The following DLGAP1 variants were observed in gnomAD, a reference collection of about 807,000 sequenced individuals.
DLGAP1 encodes DLG associated protein 1, also known as disks large-associated protein 1.
DLGAP1 carries 11 observed loss-of-function variants against 90.8 expected under a neutral mutation model. The observed-to-expected ratio is 0.12, with a 90% CI of 0.08 to 0.20. DLGAP1 has a LOEUF of 0.20. Among genes scored for constraint, DLGAP1 ranks in the 10% least tolerant of loss-of-function variants. The pLI is 1.00. For missense variants in DLGAP1, 1,050 were observed against 1,333.8 expected (o/e 0.79, Z 3.31); for synonymous variants, 558 against 540.7 (o/e 1.03, Z -0.44).
chr18:3,823,105 A>G (rs1390208972), intron 4 of DLGAP1, among the ~76,000 whole-genome samples: 1 of 152,214 alleles, frequency 6.6e-6, no homozygotes, highest in Non-Finnish European at 1.5e-5. Flanking sequence ...TCTTGTAGCC[A>G]AGCCTCCTGA....
intron 7 of DLGAP1, among the ~76,000 whole-genome samples, chr18:3,612,042 G>A (rs995583411): frequency 6.6e-6 from 1 of 152,162 alleles, no homozygotes; most frequent in African/African-American, 2.4e-5. Flanking sequence ...AATTCCCTTT[G>A]CTTTTCATGC....
rs140088276 is a variant in DLGAP1 at position 3,758,199 on chromosome 18, G to A, written c.1173-15687C>T. On this transcript the variant is annotated intron_variant, in intron 5 of 12. Transcript: ENST00000315677. ...ATCATTATTGGAGTTTCTAGCCAGT[G>A]CAAACAATTAAGAAACAGGAACAAA... 1.9e-3 allele frequency among the ~76,000 whole-genome samples: 285 copies of A among 151,736 alleles called. 1 individual carries two copies. The highest frequency in any genetic ancestry group is 6.3e-3 in the African/African-American group (260 of 41,342).
chr18:4,247,186 A>G (rs2078669623), intron 1 of DLGAP1, among the ~76,000 whole-genome samples: 2 of 152,232 alleles, frequency 1.3e-5, no homozygotes, highest in Non-Finnish European at 2.9e-5. Context: ...AATATTTATT[A>G]TAAATCATTA....
chr18:4,074,876 G>C (rs575764724), intron 2 of DLGAP1, among the ~76,000 whole-genome samples: 1 of 152,266 alleles, frequency 6.6e-6, no homozygotes, highest in East Asian at 1.9e-4. Flanking sequence ...TCAGCACTCA[G>C]AAAGTGTTTA....
chr18:3,771,047 A>G (rs983534705), intron 5 of DLGAP1: 1 of 152,214 alleles, frequency 6.6e-6, no homozygotes, highest in African/African-American at 2.4e-5. Context: ...TCACTACCAC[A>G]TGAAAAGGGA....
intron 1 of DLGAP1, among the ~76,000 whole-genome samples, chr18:4,310,605 C>T (rs936141140): frequency 1.3e-5 from 2 of 152,168 alleles, no homozygotes; most frequent in Non-Finnish European, 2.9e-5. Flanking sequence ...TACAGGTTTA[C>T]ATACATTTTC....
rs200178260 is a variant in DLGAP1 at position 3,879,219 on chromosome 18, T to G, written c.850A>C (p.Thr284Pro). ...TAAACCTCCCGGGCCCGGCTCACGG[T>G]GAGCGTGGAGGACCAGGCGCTCTTC... ...LKKSAWSSTL[T>P]VSRAREVYQK... The change falls in exon 4 of 13, where the codon ACC (threonine) becomes CCC (proline). Residue 284 changes from threonine (T) to proline (P), a missense_variant. Thr to Pro is a conservative substitution (Grantham distance 38). Coordinates refer to ENST00000315677, the MANE Select transcript of DLGAP1 (RefSeq NM_004746.4). This position sits in a 1 kb window ranked among gnomAD's most constrained non-coding sequence, Gnocchi z 6.6. The G allele has an allele frequency of 1.9e-6, 3 of 1,576,286 alleles. No individual in the cohort carries two copies. Among genetic ancestry groups the G allele is most frequent in the Non-Finnish European group, 2.6e-6 (3 of 1,160,844 alleles).
chr18:3,630,052 C>T (rs1040305692), intron 7 of DLGAP1, among the ~76,000 whole-genome samples: 1 of 152,148 alleles, frequency 6.6e-6, no homozygotes, highest in Non-Finnish European at 1.5e-5. Context: ...TATGTGTCAA[C>T]TTGACTGGGC....
At chr18:4,085,557 C>T (rs992145538) in intron 2 of DLGAP1, among the ~76,000 whole-genome samples, 7 of 152,104 alleles carry the variant, frequency 4.6e-5, no homozygotes, top group Admixed American at 2.0e-4. Flanking sequence ...ACTGGACTGA[C>T]CCAGGGAAAG....
chr18:4,394,336 A>G (rs902243690), intron 1 of DLGAP1, among the ~76,000 whole-genome samples: 1 of 152,226 alleles, frequency 6.6e-6, no homozygotes, highest in African/African-American at 2.4e-5. Flanking sequence ...AGGAGGAAAC[A>G]AGAAGCTATT....
At chr18:4,293,458 C>T (rs997925261) in intron 1 of DLGAP1, 8 of 152,166 alleles carry the variant, frequency 5.3e-5, no homozygotes, top group African/African-American at 1.9e-4. Context: ...GATTAAACTG[C>T]ACTCCAAAAC....
chr18:4,443,421 TGCA>T (rs2083585091), intron 1 of DLGAP1, among the ~76,000 whole-genome samples: 1 of 152,228 alleles, frequency 6.6e-6, no homozygotes, highest in African/African-American at 2.4e-5. Context: ...GTTCTGTTTC[TGCA>T]GCAGAAGGGA....
chr18:4,061,820 A>C (rs1170669331), intron 2 of DLGAP1, among the ~76,000 whole-genome samples: 1 of 151,374 alleles, frequency 6.6e-6, no homozygotes, highest in Non-Finnish European at 1.5e-5. Flanking sequence ...TGTGTCTTTG[A>C]CTGTGGCTTC....
chr18:4,025,186 T>G (rs1281845442), intron 2 of DLGAP1, among the ~76,000 whole-genome samples: 4 of 152,300 alleles, frequency 2.6e-5, no homozygotes, highest in Admixed American at 2.6e-4. Flanking sequence ...TCCAAGGTCA[T>G]GTGTGTGCAC....
rs140325309 is a variant in DLGAP1, at chr18:3,563,557, C to A, written c.2057+3933G>T. Among the ~76,000 whole-genome samples the A allele has an allele frequency of 7.0e-3, 1,072 of 152,100 alleles. 16 individuals carry two copies. Among genetic ancestry groups the A allele is most frequent in the African/African-American group, 0.024 (998 of 41,466 alleles). On this transcript the variant is annotated intron_variant, in intron 9 of 12. Coordinates refer to ENST00000315677, the MANE Select transcript of DLGAP1 (RefSeq NM_004746.4). Reference sequence around the variant, plus strand: ...CGATCTCGGCTCACCACAACCTCCGCCTCCCAAGTTCAAGCAATTCTCCTA... The same window carrying A: ...CGATCTCGGCTCACCACAACCTCCGACTCCCAAGTTCAAGCAATTCTCCTA...
At chr18:3,943,164 T>G (rs987662581) in intron 3 of DLGAP1, among the ~76,000 whole-genome samples, 1 of 152,182 alleles carries the variant, frequency 6.6e-6, no homozygotes, top group Non-Finnish European at 1.5e-5. Context: ...TATCTTCAAC[T>G]TCACCTGCTC....
intron 1 of DLGAP1, among the ~76,000 whole-genome samples, chr18:4,175,521 G>C (rs35452600): frequency 6.6e-6 from 1 of 151,778 alleles, no homozygotes; most frequent in Admixed American, 6.6e-5. Flanking sequence ...GTATTGCCTA[G>C]GTTTTTTTCT....
chr18:4,343,801 A>AT (rs1308854119), intron 1 of DLGAP1, among the ~76,000 whole-genome samples: 1 of 152,142 alleles, frequency 6.6e-6, no homozygotes, highest in East Asian at 1.9e-4. Flanking sequence ...AGTATAATAA[A>AT]TTTTTTTAAG....
chr18:4,172,160 C>T (rs1335769800), intron 1 of DLGAP1, among the ~76,000 whole-genome samples: 1 of 152,156 alleles, frequency 6.6e-6, no homozygotes, highest in Non-Finnish European at 1.5e-5. Flanking sequence ...GGTAGAGAAC[C>T]TTTGCCTCAG....
Sources: gnomAD v4.1 joint callset for allele counts (sites outside exome capture counted in the v4.1 genomes callset) on GRCh38, gnomAD v4.1.1 for gene constraint, Gnocchi (gnomAD v3.1) non-coding constraint, MANE v1.5 for transcripts, NCBI Gene and HGNC (gene_info 2026-07-23, HGNC 2026-07-21) for gene names.